The following CTNNA3 variants were observed in gnomAD, a reference collection of about 807,000 sequenced individuals.
CTNNA3 encodes catenin alpha-3.
In CTNNA3, 76 loss-of-function variants were observed where a neutral mutation model predicts 95.7. That is an observed-to-expected ratio of 0.79 (90% CI 0.66 to 0.96). The LOEUF (loss-of-function observed/expected upper bound fraction) is 0.96. Among genes scored for constraint, CTNNA3 ranks in the 40% least tolerant of loss-of-function variants. The pLI is 0.00. For synonymous variants in CTNNA3, 431 were observed against 374.4 expected, an observed-to-expected ratio of 1.15 and a Z score of -1.74; for missense variants, 1,191 against 1,089.8, an observed-to-expected ratio of 1.09 and a Z score of -1.31.
intron 1 of CTNNA3, among the ~76,000 whole-genome samples, chr10:67,704,947 T>C (rs1329267559): frequency 1.9e-4 from 29 of 151,198 alleles, no homozygotes; most frequent in South Asian, 1.5e-3. Context: ...AACAAACAAC[T>C]CCATCAAAAA....
intron 7 of CTNNA3, among the ~76,000 whole-genome samples, chr10:66,918,824 A>C (rs181741554): frequency 2.0e-5 from 3 of 151,868 alleles, no homozygotes; most frequent in Non-Finnish European, 4.4e-5. Flanking sequence ...ATAAATAGAG[A>C]GAGAGAGAGA....
At chr10:66,713,568 C>G (rs1186813240) in intron 9 of CTNNA3, among the ~76,000 whole-genome samples, 11 of 152,050 alleles carry the variant, frequency 7.2e-5, no homozygotes, top group Admixed American at 7.2e-4. Context: ...AGATTATATC[C>G]TGGCAACACT....
intron 3 of CTNNA3, among the ~76,000 whole-genome samples, chr10:67,596,738 T>C (rs1378403267): frequency 6.6e-6 from 1 of 152,228 alleles, no homozygotes; most frequent in Non-Finnish European, 1.5e-5. Context: ...ATGATAATTA[T>C]GTGTCTTGGG....
At chr10:66,620,093 T>C (rs181618244) in intron 10 of CTNNA3, among the ~76,000 whole-genome samples, 72 of 152,246 alleles carry the variant, frequency 4.7e-4, no homozygotes, top group African/African-American at 1.7e-3. Context: ...TGAATAATAA[T>C]ACTTTACTCT....
intron 9 of CTNNA3, among the ~76,000 whole-genome samples, chr10:66,651,293 C>T (rs963507704): frequency 1.3e-5 from 2 of 152,176 alleles, no homozygotes; most frequent in African/African-American, 4.8e-5. Context: ...GGTGCATCCA[C>T]AAACCCTGAG....
At chr10:67,718,817 T>A (rs573152615) in intron 1 of CTNNA3, among the ~76,000 whole-genome samples, 1 of 152,320 alleles carries the variant, frequency 6.6e-6, no homozygotes, top group East Asian at 1.9e-4. Flanking sequence ...GCTGGCCTCA[T>A]AAAATGAGTT....
intron 7 of CTNNA3, among the ~76,000 whole-genome samples, chr10:67,038,579 G>A (rs1854207582): frequency 6.6e-6 from 1 of 152,040 alleles, no homozygotes. Flanking sequence ...TCAATGCTTT[G>A]AAGAATACAT....
At chr10:66,292,397 C>A (rs971268472) in intron 12 of CTNNA3, among the ~76,000 whole-genome samples, 7 of 152,128 alleles carry the variant, frequency 4.6e-5, no homozygotes, top group African/African-American at 1.7e-4. Context: ...TAATGATTGT[C>A]TTTTAATTAA....
intron 7 of CTNNA3, among the ~76,000 whole-genome samples, chr10:66,995,034 T>C (rs919099052): frequency 3.3e-5 from 5 of 152,160 alleles, no homozygotes; most frequent in African/African-American, 1.2e-4. Flanking sequence ...TCCAAGTATA[T>C]GCTAAATACT....
intron 5 of CTNNA3, among the ~76,000 whole-genome samples, chr10:67,388,884 C>T (rs530026362): frequency 4.6e-5 from 7 of 152,230 alleles, no homozygotes; most frequent in African/African-American, 9.6e-5. Context: ...ACCACCAGGC[C>T]GGCCTTACAA....
chr10:67,729,926 C>G (rs2133631099), intron 1 of CTNNA3, among the ~76,000 whole-genome samples: 1 of 152,220 alleles, frequency 6.6e-6, no homozygotes, highest in East Asian at 1.9e-4. Context: ...ACTTTCACAA[C>G]TTTCAAAACT....
At chr10:66,155,771 A>T (rs2084466660) in intron 13 of CTNNA3, among the ~76,000 whole-genome samples, 1 of 151,966 alleles carries the variant, frequency 6.6e-6, no homozygotes, top group Admixed American at 6.6e-5. Flanking sequence ...ATTAGAGAAC[A>T]ATTCCATATT....
chr10:66,809,467 T>G (rs981099522), intron 7 of CTNNA3, among the ~76,000 whole-genome samples: 1 of 152,192 alleles, frequency 6.6e-6, no homozygotes, highest in African/African-American at 2.4e-5. Flanking sequence ...TTTTCTTGGA[T>G]CTGGGATCCT....
At chr10:66,150,667 G>T (rs2084153979) in intron 13 of CTNNA3, among the ~76,000 whole-genome samples, 1 of 151,618 alleles carries the variant, frequency 6.6e-6, no homozygotes. Flanking sequence ...CTTCTATTTT[G>T]AAATATATAA....
At chr10:65,986,604 G>A (rs543472148) in intron 16 of CTNNA3, among the ~76,000 whole-genome samples, 1 of 151,390 alleles carries the variant, frequency 6.6e-6, no homozygotes, top group African/African-American at 2.4e-5. Context: ...TGTATGGAAA[G>A]AATTAATATT....
At chr10:65,968,683 A>T (rs1375474197) in intron 16 of CTNNA3, among the ~76,000 whole-genome samples, 1 of 152,150 alleles carries the variant, frequency 6.6e-6, no homozygotes, top group Non-Finnish European at 1.5e-5. Flanking sequence ...CTCTGCAGGG[A>T]TCCAGGTATG....
At chr10:67,754,015 A>T (rs1029910036) in intron 1 of CTNNA3, among the ~76,000 whole-genome samples, 3 of 134,704 alleles carry the variant, frequency 2.2e-5, no homozygotes, top group African/African-American at 1.0e-4. Context: ...ACATGCACAC[A>T]TATGTTTATT....
At chr10:67,103,446 T>C (rs1858455415) in intron 7 of CTNNA3, among the ~76,000 whole-genome samples, 1 of 151,756 alleles carries the variant, frequency 6.6e-6, no homozygotes, top group African/African-American at 2.4e-5. Flanking sequence ...GTTGCACCCA[T>C]GAATATAACA....
chr10:66,355,706 A>AT (rs573127219), intron 12 of CTNNA3, among the ~76,000 whole-genome samples: 2 of 145,900 alleles, frequency 1.4e-5, no homozygotes, highest in East Asian at 2.0e-4. Context: ...TTCACAGAGG[A>AT]TTTTTTTTAA....
Sources: allele counts gnomAD v4.1 joint callset (sites outside exome capture counted in the v4.1 genomes callset), GRCh38; gene constraint gnomAD v4.1.1; transcripts MANE v1.5; gene names NCBI Gene and HGNC (gene_info 2026-07-23, HGNC 2026-07-21).